Variants in SPINK5 observed in about 807,000 individuals in gnomAD.
The protein encoded by SPINK5 is serine protease inhibitor Kazal-type 5.
A neutral mutation model predicts 151.8 loss-of-function variants in SPINK5; 125 were observed. The observed-to-expected ratio is 0.82, with a 90% CI of 0.71 to 0.96. The LOEUF (loss-of-function observed/expected upper bound fraction) is 0.96, where lower values mean the gene tolerates loss of function less well. Ranked by LOEUF, SPINK5 falls within the 40% of genes least tolerant of loss-of-function variation. The pLI, the probability that SPINK5 is intolerant of heterozygous loss-of-function variation, is 0.00. For synonymous variants in SPINK5, 374 were observed against 395.3 expected, an observed-to-expected ratio of 0.95 and a Z score of 0.64; for missense variants, 1,194 against 1,291.9, an observed-to-expected ratio of 0.92 and a Z score of 1.16.
At chr5:148,104,016 T>C (rs1753715891) in intron 15 of SPINK5, among the ~76,000 whole-genome samples, 1 of 152,196 alleles carries the variant, frequency 6.6e-6, no homozygotes, top group African/African-American at 2.4e-5. Flanking sequence ...TTCCATCATA[T>C]GCCTAGTTTT....
At chr5:148,067,893 C>T (rs1020988222) in intron 2 of SPINK5, among the ~76,000 whole-genome samples, 1 of 152,078 alleles carries the variant, frequency 6.6e-6, no homozygotes, top group Non-Finnish European at 1.5e-5. Flanking sequence ...GAGTTACAGC[C>T]ATGAGCCACT....
chr5:148,098,660 A>G (rs1753543200), intron 11 of SPINK5, among the ~76,000 whole-genome samples: 1 of 122,924 alleles, frequency 8.1e-6, no homozygotes, highest in Non-Finnish European at 1.9e-5. Context: ...TATGGAAATT[A>G]TTGTGGTTTT....
At chr5:148,089,160 A>G (rs569045060) in intron 6 of SPINK5, 54 of 471,972 alleles carry the variant, frequency 1.1e-4, no homozygotes, top group Middle Eastern at 6.3e-4. Flanking sequence ...ACCTGAGGTG[A>G]CTTGCACCAA....
chr5:148,094,281 C>A, intron 8 of SPINK5, 73 bp from the exon 9 acceptor site: 1 of 1,569,376 alleles, frequency 6.4e-7, no homozygotes. Flanking sequence ...CGCAATGCAG[C>A]AAAATCCTGT....
intron 10 of SPINK5, 118 bp downstream of exon 10, chr5:148,096,023 A>G (rs1184741567): frequency 1.3e-6 from 1 of 791,804 alleles, no homozygotes; most frequent in Non-Finnish European, 2.1e-6. Flanking sequence ...TTTCCACACT[A>G]CTAGTAGGTT....
At chr5:148,086,902 C>T (rs1422996) in intron 5 of SPINK5, among the ~76,000 whole-genome samples, 110,999 of 148,744 alleles carry the variant, frequency 0.75, 42,673 homozygotes, top group African/African-American at 0.92. Flanking sequence ...AAAATATAGA[C>T]TTATGATTTT....
chr5:148,114,967 CAATGTGTAT>C (rs1315752370), intron 21 of SPINK5, among the ~76,000 whole-genome samples: 1 of 152,096 alleles, frequency 6.6e-6, no homozygotes, highest in Non-Finnish European at 1.5e-5. Flanking sequence ...CTACAATGTA[CAATGTGTAT>C]AATGTGTATA....
chr5:148,081,718 A>G (rs1370734854), intron 4 of SPINK5, among the ~76,000 whole-genome samples: 1 of 151,686 alleles, frequency 6.6e-6, no homozygotes, highest in African/African-American at 2.4e-5. Context: ...TCCATTTACT[A>G]AAAATCACTG....
chr5:148,107,076 A>T lies in SPINK5; in HGVS notation c.1519A>T (p.Thr507Ser), dbSNP rs758387830. 8 of 1,613,172 alleles carry T rather than the reference A, an allele frequency of 5.0e-6. No homozygotes were observed. The highest frequency in any genetic ancestry group is 5.9e-6 in the Non-Finnish European group (7 of 1,179,480). ...ATTTCGGGACCAAGTGAGGAATGGA[A>T]CACTTATATGCACCAGGGAGCATAA... is the stretch of plus-strand genomic sequence containing the variant. ...SEFRDQVRNG[T>S]LICTREHNPV... The change falls in exon 17 of 33, where the codon ACA (threonine) becomes TCA (serine). Residue 507 changes from threonine to serine, a missense_variant. Transcript: ENST00000256084.
intron 22 of SPINK5, 83 bp downstream of exon 22, chr5:148,116,549 G>T: frequency 7.4e-7 from 1 of 1,342,606 alleles, no homozygotes; most frequent in Non-Finnish European, 1.1e-6. Context: ...ATAGTCTATG[G>T]TAAAGGCAGT....
At chr5:148,081,489 T>C (rs1192752756) in intron 4 of SPINK5, among the ~76,000 whole-genome samples, 1 of 151,716 alleles carries the variant, frequency 6.6e-6, no homozygotes, top group Non-Finnish European at 1.5e-5. Context: ...TCAAAAACAC[T>C]ATGCAAAGTG....
chr5:148,065,464 CATATT>C, intron 2 of SPINK5, 92 bp downstream of exon 2: 1 of 1,321,766 alleles, frequency 7.6e-7, no homozygotes, highest in African/African-American at 1.5e-5. Context: ...ATAATACAAA[CATATT>C]ATACTGGTAG....
chr5:148,102,013 C>A, intron 15 of SPINK5, 105 bp downstream of exon 15: 1 of 1,527,988 alleles, frequency 6.5e-7, no homozygotes, highest in Non-Finnish European at 9.0e-7. Flanking sequence ...TTCAGTGTAG[C>A]ATTCAGTCTT....
At chr5:148,079,963 G>C (rs193055378) in intron 4 of SPINK5, among the ~76,000 whole-genome samples, 2 of 150,978 alleles carry the variant, frequency 1.3e-5, no homozygotes, top group African/African-American at 4.8e-5. Flanking sequence ...TGGAAATGAA[G>C]CAACTGTCTT....
At chr5:148,113,023 G>C in intron 20 of SPINK5, 89 bp downstream of exon 20, 2 of 1,568,808 alleles carry the variant, frequency 1.3e-6, no homozygotes, top group South Asian at 2.3e-5. Context: ...TGAAACCCCA[G>C]TTGTGAGGGA....
rs982555437 is a variant in SPINK5 at position 148,075,342 on chromosome 5, C to G, written c.282+3122C>G. Among the ~76,000 whole-genome samples, 12 of 151,104 alleles carry G rather than the reference C, an allele frequency of 7.9e-5. No individual in the cohort carries two copies. The East Asian group carries it at 1.8e-3, about 22-fold the overall frequency. ...TATTAAAATAATTTGATTTTTTAGT[C>G]TATTAATATAAATAAATTTCTGGAT... On this transcript the variant is annotated intron_variant, in intron 4 of 32. Coordinates refer to ENST00000256084, the MANE Select transcript of SPINK5 (RefSeq NM_006846.4).
intron 29 of SPINK5, among the ~76,000 whole-genome samples, 176 bp from the exon 30 acceptor site, chr5:148,126,807 G>T (rs1282997007): frequency 6.6e-6 from 1 of 152,056 alleles, no homozygotes. Flanking sequence ...GGCCAGGCTG[G>T]TCTCCAACTC....
At position 148,108,840 on chromosome 5, in the gene SPINK5, AGTT is replaced by A; in HGVS notation, c.1692+7_1692+9del. 6.2e-7 allele frequency: 1 copy of A among 1,611,894 alleles called. No homozygotes were observed. Among genetic ancestry groups the A allele is most frequent in the Non-Finnish European group, 8.5e-7 (1 of 1,178,450 alleles). On this transcript the variant is annotated splice_donor_5th_base_variant and intron_variant, in intron 18 of 32. Transcript: ENST00000256084. ...AAGTTAAGAGAGAAGCAGTTCAGGT[AGTT>A]GTTTGAGATCATCAGAGCCACATAA...
intron 26 of SPINK5, among the ~76,000 whole-genome samples, chr5:148,121,992 TTGTG>T (rs1208366274): frequency 2.3e-5 from 3 of 131,496 alleles, no homozygotes; most frequent in Non-Finnish European, 4.6e-5. Context: ...AATATTGAGA[TTGTG>T]TGTGAGTGTG....
Sources: allele counts gnomAD v4.1 joint callset (sites outside exome capture counted in the v4.1 genomes callset), GRCh38; gene constraint gnomAD v4.1.1; transcripts MANE v1.5; gene names NCBI Gene and HGNC (gene_info 2026-07-23, HGNC 2026-07-21).